The following SP3 variants were observed in gnomAD, a reference collection of about 807,000 sequenced individuals.
SP3 encodes transcription factor Sp3.
SP3 carries 10 observed loss-of-function variants against 70.3 expected under a neutral mutation model. The ratio of observed to expected loss-of-function variants is 0.14; its 90% confidence interval spans 0.09 to 0.24. The LOEUF is 0.24. Ranked by LOEUF, SP3 falls within the 10% of genes least tolerant of loss-of-function variation. The pLI is 1.00. For missense variants in SP3, 825 were observed against 914.6 expected (o/e 0.90, Z 1.26); for synonymous variants, 402 against 333.5 (o/e 1.21, Z -2.24).
rs1453159941 is a variant in SP3 at position 173,964,904 on chromosome 2, G to A, written c.7+261C>T. The A allele has an allele frequency of 6.0e-6, 3 of 503,402 alleles. No homozygotes were observed. The East Asian group carries it at 1.1e-4, about 18-fold the overall frequency. 31.2% of individuals were successfully genotyped at this position (503,402 alleles called of 1,614,324 possible). A position where few individuals can be genotyped will look rare whatever the true frequency, so the allele number is the denominator to read the frequency against. Reference sequence around the variant, plus strand: ...CACTCACACACGCCCGCCCGCGCCCGCACACAGGGGGATGCGCTCCCGGCG... The same window carrying A: ...CACTCACACACGCCCGCCCGCGCCCACACACAGGGGGATGCGCTCCCGGCG... On this transcript the variant is annotated intron_variant, in intron 1 of 6. Coordinates refer to ENST00000310015, the MANE Select transcript of SP3 (RefSeq NM_003111.5).
At chr2:173,923,289 C>T (rs544257889) in intron 4 of SP3, among the ~76,000 whole-genome samples, 1 of 147,054 alleles carries the variant, frequency 6.8e-6, no homozygotes, top group South Asian at 2.2e-4. Context: ...GGGGTATGTA[C>T]AAAAGAAAAA....
At chr2:173,933,335 C>T (rs1004194089) in intron 4 of SP3, among the ~76,000 whole-genome samples, 9 of 152,006 alleles carry the variant, frequency 5.9e-5, no homozygotes, top group African/African-American at 1.9e-4. Context: ...AGCCACATTT[C>T]GAGTGCTTAA....
At position 173,913,234 on chromosome 2, in the gene SP3, A is replaced by C. The variant is rs774378870; in HGVS notation, c.1865T>G (p.Ile622Ser). Residue 622 changes from isoleucine to serine, a missense_variant, in exon 6 of 7, where the codon ATT becomes AGT. Coordinates refer to ENST00000310015, the MANE Select transcript of SP3 (RefSeq NM_003111.5). ...GTNLGKKKQH[I>S]CHIPGCGKVY... is the part of the protein sequence containing the mutation. ...TTTACCACATCCTGGTATATGACAA[A>C]TGTGTTGCTTCTTTTTCCCAAGATT... 1 of 1,601,452 alleles carries C rather than the reference A, an allele frequency of 6.2e-7. No homozygotes were observed. Among genetic ancestry groups the C allele is most frequent in the Non-Finnish European group, 8.5e-7 (1 of 1,172,898 alleles).
In SP3 at chr2:173,963,812, G is replaced by C; in HGVS notation, c.228C>G (p.Asp76Glu). Residue 76 changes from aspartate to glutamate, a missense_variant, in exon 3 of 7, where the codon GAC becomes GAG. Transcript: ENST00000310015. Reference protein sequence around the residue: ...CSKIGPPSPGDDEEEAAAAAG... With the variant: ...CSKIGPPSPGEDEEEAAAAAG... ...CTGCGGCGGCCGCCTCCTCCTCGTCGTCGCCCGGCGATGGCGGCCCTATCT... is the reference window on the plus strand; with the variant it reads ...CTGCGGCGGCCGCCTCCTCCTCGTCCTCGCCCGGCGATGGCGGCCCTATCT... 6.8e-7 allele frequency: 1 copy of C among 1,461,610 alleles called. No homozygotes were observed. The highest frequency in any genetic ancestry group is 9.1e-7 in the Non-Finnish European group (1 of 1,096,958). The allele number at this position is 1,461,610 out of a possible 1,614,324, so 90.5% of individuals were successfully genotyped here.
chr2:173,964,737 C>T (rs1691231879), intron 1 of SP3, 184 bp from the exon 2 acceptor site: 1 of 433,414 alleles, frequency 2.3e-6, no homozygotes, highest in Non-Finnish European at 4.0e-6. Context: ...CTGCCCCCGC[C>T]CGCCGCTGCC....
At chr2:173,957,822 C>T (rs185875430) in intron 3 of SP3, among the ~76,000 whole-genome samples, 1 of 152,190 alleles carries the variant, frequency 6.6e-6, no homozygotes, top group East Asian at 1.9e-4. Context: ...AATCTCTAGG[C>T]CTGAACTATA....
At position 173,901,797 on chromosome 2, in the gene SP3, G is replaced by A. The variant is rs909690002; in HGVS notation, c.*8144C>T. On this transcript the variant is annotated 3_prime_UTR_variant, in exon 7 of 7. Transcript: ENST00000310015. ...GCTCACTGCAACCTATGCCTCCTGC[G>A]TTCAAGCGATTCTCGTGCCTCAGCC... Among the ~76,000 whole-genome samples, 1 of 145,490 alleles carries A rather than the reference G, an allele frequency of 6.9e-6. No individual in the cohort carries two copies. Among genetic ancestry groups the A allele is most frequent in the Non-Finnish European group, 1.5e-5 (1 of 67,418 alleles).
At chr2:173,962,794 ATTATT>A (rs1691127411) in intron 3 of SP3, among the ~76,000 whole-genome samples, 1 of 151,994 alleles carries the variant, frequency 6.6e-6, no homozygotes, top group Non-Finnish European at 1.5e-5. Context: ...GAGGGTTTTC[ATTATT>A]TTAATAGGTG....
Position 173,946,633 on chromosome 2 carries a change from A to T in SP3, c.1639+8240T>A, listed in dbSNP as rs1690547074. Among the ~76,000 whole-genome samples the T allele has an allele frequency of 2.0e-5, 3 of 152,014 alleles. No individual in the cohort carries two copies. The South Asian group carries it at 6.2e-4, about 32-fold the overall frequency. ...GAATAGTAGTTTAATTGCCCACTGA[A>T]TTCTGGGCTGCTGGTTATTTTCTCT... On this transcript the variant is annotated intron_variant, in intron 4 of 6. Coordinates refer to ENST00000310015, the MANE Select transcript of SP3 (RefSeq NM_003111.5).
intron 3 of SP3, among the ~76,000 whole-genome samples, chr2:173,960,025 C>T (rs1039773927): frequency 2.0e-5 from 3 of 152,018 alleles, no homozygotes; most frequent in Admixed American, 6.5e-5. Context: ...CAAAAATTAG[C>T]CAGGCGTGGT....
intron 3 of SP3, among the ~76,000 whole-genome samples, chr2:173,961,724 TAA>T (rs2105506583): frequency 6.6e-6 from 1 of 152,260 alleles, no homozygotes; most frequent in African/African-American, 2.4e-5. Context: ...ATTTGAGTAA[TAA>T]AAGATTATCT....
At chr2:173,933,583 G>A (rs1485791559) in intron 4 of SP3, among the ~76,000 whole-genome samples, 1 of 137,398 alleles carries the variant, frequency 7.3e-6, no homozygotes, top group Non-Finnish European at 1.5e-5. Context: ...GTGTGCCCAT[G>A]AAGAGAACCA....
chr2:173,923,624 A>T (rs1173188883), intron 4 of SP3, among the ~76,000 whole-genome samples: 1 of 152,138 alleles, frequency 6.6e-6, no homozygotes, highest in Non-Finnish European at 1.5e-5. Flanking sequence ...TATGAATTAC[A>T]GTATGGTTGA....
intron 4 of SP3, among the ~76,000 whole-genome samples, chr2:173,944,171 T>C (rs4325816): frequency 0.2 from 30,005 of 152,232 alleles, 3,163 homozygotes; most frequent in Middle Eastern, 0.27. Flanking sequence ...GGGAGAATGA[T>C]GGTCCTATTT....
rs1559112119 is a variant in SP3, at chr2:173,961,942, T to TTTTG, written c.279+1818_279+1819insCAAA. Among the ~76,000 whole-genome samples the TTTTG allele has an allele frequency of 2.6e-3, 70 of 27,382 alleles. 1 individual carries two copies. The highest frequency in any genetic ancestry group is 0.016 in the African/African-American group (68 of 4,150). The allele number at this position is 27,382 out of a possible 152,430, so 18.0% of individuals were successfully genotyped here. A position where few individuals can be genotyped will look rare whatever the true frequency, so the allele number is the denominator to read the frequency against. ...CATAAATATATGGTTTGGGTTTTTT[T>TTTTG]TTTTTTTTTTTTTTTTTTAGGCAAA... On this transcript the variant is annotated intron_variant, in intron 3 of 6. Coordinates refer to ENST00000310015, the MANE Select transcript of SP3 (RefSeq NM_003111.5).
In SP3 at chr2:173,955,696, G is replaced by A. The variant is rs149016935; in HGVS notation, c.816C>T (p.Val272=). The change falls in exon 4 of 7, where the codon GTC becomes GTT. Residue 272 remains valine (V), a synonymous_variant. Coordinates refer to ENST00000310015, the MANE Select transcript of SP3 (RefSeq NM_003111.5). The stretch of plus-strand genomic sequence containing the variant: ...CCGAGAGTCCCAAAGAATCTAGATC[G>A]ACACTATTGATTGGTACAAACGTAA... ...GNITFVPINS[V]DLDSLGLSGS... The A allele has an allele frequency of 1.5e-5, 25 of 1,614,044 alleles. No individual in the cohort carries two copies. In the Admixed American group the frequency reaches 1.8e-4, roughly 12 times the overall value.
At position 173,906,101 on chromosome 2, in the gene SP3, T is replaced by C. The variant is rs1428483249; in HGVS notation, c.*3840A>G. The stretch of plus-strand genomic sequence containing the variant: ...ATCACTGACAAAAAAAATTCTTCTC[T>C]TTTGCAATTTGGCAGCCCCTCTTAA... On this transcript the variant is annotated 3_prime_UTR_variant, in exon 7 of 7. Transcript: ENST00000310015. Among the ~76,000 whole-genome samples, 4 of 152,168 alleles carry C rather than the reference T, an allele frequency of 2.6e-5. No homozygotes were observed. The highest frequency in any genetic ancestry group is 1.3e-4 in the Admixed American group (2 of 15,264).
At chr2:173,928,084 C>T (rs543932190) in intron 4 of SP3, among the ~76,000 whole-genome samples, 3 of 152,326 alleles carry the variant, frequency 2.0e-5, no homozygotes, top group Admixed American at 6.5e-5. Flanking sequence ...CCGTACCCAT[C>T]ATCCCTTCTA....
At chr2:173,946,740 T>A (rs951233204) in intron 4 of SP3, among the ~76,000 whole-genome samples, 8 of 148,446 alleles carry the variant, frequency 5.4e-5, no homozygotes, top group East Asian at 1.9e-4. Context: ...TTTTTTTTTT[T>A]AAGACAGGGC....
Sources: allele counts gnomAD v4.1 joint callset (sites outside exome capture counted in the v4.1 genomes callset), GRCh38; gene constraint gnomAD v4.1.1; transcripts MANE v1.5; gene names NCBI Gene and HGNC (gene_info 2026-07-23, HGNC 2026-07-21).